SUGP1: variants seen among roughly 807,000 people sequenced by gnomAD.
SUGP1 encodes the protein SURP and G-patch domain containing 1, also known as SURP and G-patch domain-containing protein 1.
Under a neutral mutation model 76.5 loss-of-function variants are expected in SUGP1, and 34 were observed. The observed-to-expected ratio is 0.44, with a 90% CI of 0.34 to 0.59. The LOEUF is 0.59. SUGP1 is among the 20% of genes least tolerant of loss of function. SUGP1 has a pLI of 0.01. For synonymous variants in SUGP1, 326 were observed against 326.2 expected, an observed-to-expected ratio of 1.00 and a Z score of 0.01; for missense variants, 752 against 851.7, an observed-to-expected ratio of 0.88 and a Z score of 1.46.
At chr19:19,309,959 C>A in intron 3 of SUGP1, 138 bp downstream of exon 3, 1 of 548,740 alleles carries the variant, frequency 1.8e-6, no homozygotes, top group South Asian at 2.5e-5. Context: ...GCCTTTGGTG[C>A]ACGCATGGGT....
In SUGP1 at chr19:19,286,657, G is replaced by C. The variant is rs561711273; in HGVS notation, c.1244-6366C>G. Among the ~76,000 whole-genome samples, 9 of 152,070 alleles carry C rather than the reference G, an allele frequency of 5.9e-5. No individual in the cohort carries two copies. The East Asian group carries it at 1.7e-3, about 29-fold the overall frequency. The stretch of plus-strand genomic sequence containing the variant: ...CAACTGCTTGGGAGGCTGAGGCGGG[G>C]AGATCACTTGAGACCAGGAGTTTGA... On this transcript the variant is annotated intron_variant, in intron 8 of 13. Coordinates refer to ENST00000247001, the MANE Select transcript of SUGP1 (RefSeq NM_172231.4).
At chr19:19,309,231 T>C (rs2146623327) in intron 3 of SUGP1, among the ~76,000 whole-genome samples, 1 of 152,256 alleles carries the variant, frequency 6.6e-6, no homozygotes, top group Admixed American at 6.5e-5. Context: ...CTGCCTGTAA[T>C]GTCAACACTT....
In SUGP1 at chr19:19,316,370, G is replaced by T; in HGVS notation, c.206+52C>A. ...CTCACAAGCCAAACCCTGTGCTGGT[G>T]ACCCTCAAAGACTCACATCCAGGCC... On this transcript the variant is annotated intron_variant, in intron 2 of 13. Transcript: ENST00000247001. 4 of 1,602,684 alleles carry T rather than the reference G, an allele frequency of 2.5e-6. No individual in the cohort carries two copies. In the South Asian group the frequency reaches 3.3e-5, roughly 13 times the overall value.
chr19:19,280,262 T>C lies in SUGP1; in HGVS notation c.1273A>G (p.Lys425Glu). 6.2e-7 allele frequency: 1 copy of C among 1,613,924 alleles called. No homozygotes were observed. The change falls in exon 9 of 14, where the codon AAG (lysine) becomes GAG (glutamate). Residue 425 changes from lysine (K) to glutamate (E), a missense_variant. This residue lies in a region of SUGP1 where 620 missense variants were observed against 617.3 expected (regional missense o/e 1.00). Transcript: ENST00000247001. ...VQDLKGLGYEKGKPVGLVGVT... is the reference protein window; with the variant it reads ...VQDLKGLGYEEGKPVGLVGVT... Reference sequence around the variant, plus strand: ...CCCACTAGACCCACAGGCTTCCCCTTCTCATAGCCGAGCCCCTTGAGGTCC... The same window carrying C: ...CCCACTAGACCCACAGGCTTCCCCTCCTCATAGCCGAGCCCCTTGAGGTCC...
intron 8 of SUGP1, among the ~76,000 whole-genome samples, chr19:19,282,406 C>T (rs2061105424): frequency 6.6e-6 from 1 of 150,630 alleles, no homozygotes; most frequent in African/African-American, 2.4e-5. Flanking sequence ...TGAGACTAGC[C>T]TAGGCAACAT....
intron 2 of SUGP1, 81 bp from the exon 3 acceptor site, chr19:19,310,281 G>A: frequency 2.8e-6 from 3 of 1,073,070 alleles, no homozygotes; most frequent in Non-Finnish European, 4.3e-6. Context: ...TGAGGATGAG[G>A]CCATCACCTC....
At position 19,303,439 on chromosome 19, in the gene SUGP1, G is replaced by A. The variant is rs553195068; in HGVS notation, c.672C>T (p.His224=). ...YKDNPAFAFL[H]DKNSREFLYY... is the part of the protein sequence containing the mutation. The stretch of plus-strand genomic sequence containing the variant: ...AGAGGAATTCCCTGCTATTCTTATC[G>A]TGCAAAAATCTGGAGAGGAGGAAGT... Residue 224 remains histidine, a synonymous_variant, in exon 6 of 14, where the codon CAC becomes CAT. Coordinates refer to ENST00000247001, the MANE Select transcript of SUGP1 (RefSeq NM_172231.4). 4.3e-5 allele frequency: 70 copies of A among 1,613,868 alleles called. No individual in the cohort carries two copies. The highest frequency in any genetic ancestry group is 1.1e-4 in the East Asian group (5 of 44,880).
chr19:19,312,716 G>A (rs933723424), intron 2 of SUGP1, among the ~76,000 whole-genome samples: 3 of 152,126 alleles, frequency 2.0e-5, no homozygotes, highest in South Asian at 2.1e-4. Flanking sequence ...GGCCAGGCGC[G>A]GTGGCTCACG....
At position 19,297,003 on chromosome 19, in the gene SUGP1, G is replaced by C. The variant is rs1185040619; in HGVS notation, c.1229C>G (p.Pro410Arg). The C allele has an allele frequency of 6.3e-7, 1 of 1,582,332 alleles. No homozygotes were observed. The highest frequency in any genetic ancestry group is 1.7e-5 in the Admixed American group (1 of 58,302). Residue 410 changes from proline (P) to arginine (R), a missense_variant, in exon 8 of 14, where the codon CCC becomes CGC. Physicochemically the swap from Pro to Arg is moderately radical, Grantham distance 103 (BLOSUM62 -2). Transcript: ENST00000247001. ...ELVQRDVDAS[P>R]SPLSVQDLKG... The stretch of plus-strand genomic sequence containing the variant: ...GGTCTGCCCACCTGACAGAGGCGAG[G>C]GAGAGGCATCCACGTCCCTCTGCAC...
At chr19:19,318,441 T>G in intron 1 of SUGP1, among the ~76,000 whole-genome samples, 1 of 152,166 alleles carries the variant, frequency 6.6e-6, no homozygotes, top group East Asian at 1.9e-4. Flanking sequence ...TTTGTTTTGT[T>G]TTTTTGAGAC....
chr19:19,303,761 C>T lies in SUGP1; in HGVS notation c.625G>A (p.Val209Ile). 4 of 1,614,224 alleles carry T rather than the reference C, an allele frequency of 2.5e-6. No homozygotes were observed. The highest frequency in any genetic ancestry group is 2.2e-5 in the East Asian group (1 of 44,886). ...VAEGGPELEK[V>I]AMEDYKDNPA... ...TTATCCTTGTAGTCCTCCATAGCTACTTTTTCTAACTCGGGGCCTCCTTCT... is the reference window on the plus strand; with the variant it reads ...TTATCCTTGTAGTCCTCCATAGCTATTTTTTCTAACTCGGGGCCTCCTTCT... Residue 209 changes from valine to isoleucine, a missense_variant, in exon 5 of 14, where the codon GTA becomes ATA. By Grantham distance (29) the Val-to-Ile change is conservative. This residue lies in a region of SUGP1 where 620 missense variants were observed against 617.3 expected (regional missense o/e 1.00). Coordinates refer to ENST00000247001, the MANE Select transcript of SUGP1 (RefSeq NM_172231.4).
At chr19:19,279,597 G>C (rs757800883) in intron 9 of SUGP1, among the ~76,000 whole-genome samples, 14 of 152,096 alleles carry the variant, frequency 9.2e-5, no homozygotes, top group Non-Finnish European at 1.8e-4. Context: ...AGGACCTCTT[G>C]GCCACTGAAT....
At position 19,276,544 on chromosome 19, in the gene SUGP1, G is replaced by T; in HGVS notation, c.*104C>A. 7.1e-7 allele frequency: 1 copy of T among 1,413,622 alleles called. No individual in the cohort carries two copies. Among genetic ancestry groups the T allele is most frequent in the Non-Finnish European group, 9.9e-7 (1 of 1,007,528 alleles). 87.6% of individuals were successfully genotyped at this position (1,413,622 alleles called of 1,614,324 possible). A position where few individuals can be genotyped will look rare whatever the true frequency, so the allele number is the denominator to read the frequency against. ...ATGAGCACTGGGACTTTATTACACGGCACGGCACTCGTGACAACGGAAGGG... is the reference window on the plus strand; with the variant it reads ...ATGAGCACTGGGACTTTATTACACGTCACGGCACTCGTGACAACGGAAGGG... On this transcript the variant is annotated 3_prime_UTR_variant, in exon 14 of 14. Coordinates refer to ENST00000247001, the MANE Select transcript of SUGP1 (RefSeq NM_172231.4).
chr19:19,296,386 T>C (rs1480292874), intron 8 of SUGP1, among the ~76,000 whole-genome samples: 6 of 148,456 alleles, frequency 4.0e-5, no homozygotes, highest in Non-Finnish European at 8.9e-5. Flanking sequence ...TGAAACCCCA[T>C]CTCTACGTCC....
chr19:19,303,800 C>A lies in SUGP1; in HGVS notation c.586G>T (p.Ala196Ser). ...GGGCCTCCTTCTGCCACAAAGCGGG[C>A]CAATTTCTCTATCACTTTCCGAGTC... The part of the protein sequence containing the change: ...AETRKVIEKL[A>S]RFVAEGGPEL... The change falls in exon 5 of 14, where the codon GCC becomes TCC. Residue 196 changes from alanine to serine, a missense_variant. Ala to Ser is a moderately conservative substitution (Grantham distance 99). Coordinates refer to ENST00000247001, the MANE Select transcript of SUGP1 (RefSeq NM_172231.4). 6.2e-7 allele frequency: 1 copy of A among 1,614,198 alleles called. No individual in the cohort carries two copies. Among genetic ancestry groups the A allele is most frequent in the Non-Finnish European group, 8.5e-7 (1 of 1,180,056 alleles).
intron 10 of SUGP1, 28 bp downstream of exon 10, chr19:19,279,185 G>A: frequency 1.3e-5 from 16 of 1,244,262 alleles, no homozygotes; most frequent in Non-Finnish European, 1.4e-5. Context: ...GCCCAGCCCA[G>A]CCCGGCCCAC....
Position 19,297,109 on chromosome 19 carries a change from A to T in SUGP1, c.1123T>A (p.Ser375Thr), listed in dbSNP as rs775688929. Residue 375 changes from serine (S) to threonine (T), a missense_variant, in exon 8 of 14, where the codon TCC becomes ACC. By Grantham distance (58) the Ser-to-Thr change is moderately conservative (BLOSUM62 1). Around this residue, in one of 2 missense-constraint regions of SUGP1, gnomAD observed 620 missense variants for 617.3 expected, o/e 1.00. Transcript: ENST00000247001. Reference protein sequence around the residue: ...PAPAAPGKPASAATVKRKRKS... With the variant: ...PAPAAPGKPATAATVKRKRKS... Reference sequence around the variant, plus strand: ...CGCTTCCTCTTCACGGTGGCTGCGGAGGCTGGCTTCCCGGGGGCAGCTGGA... The same window carrying T: ...CGCTTCCTCTTCACGGTGGCTGCGGTGGCTGGCTTCCCGGGGGCAGCTGGA... 20 of 1,613,722 alleles carry T rather than the reference A, an allele frequency of 1.2e-5. No homozygotes were observed. Among genetic ancestry groups the T allele is most frequent in the Non-Finnish European group, 1.6e-5 (19 of 1,179,812 alleles).
chr19:19,297,158 C>T lies in SUGP1; in HGVS notation c.1074G>A (p.Thr358=), dbSNP rs375901315. Residue 358 remains threonine (T), a synonymous_variant, in exon 8 of 14, where the codon ACG becomes ACA. Transcript: ENST00000247001. Reference sequence around the variant, plus strand: ...GAGCAGGGATGATAGTGGGCGCAGGCGTGGACGAGGCGGGGCAGGTGGTGG... The same window carrying T: ...GAGCAGGGATGATAGTGGGCGCAGGTGTGGACGAGGCGGGGCAGGTGGTGG... ...PPATTCPASS[T]PAPTIIPAPA... 111 of 1,613,056 alleles carry T rather than the reference C, an allele frequency of 6.9e-5. No homozygotes were observed. The highest frequency in any genetic ancestry group is 1.6e-4 in the Middle Eastern group (1 of 6,084).
chr19:19,284,694 G>A (rs1230047575), intron 8 of SUGP1, among the ~76,000 whole-genome samples: 4 of 152,218 alleles, frequency 2.6e-5, no homozygotes, highest in Non-Finnish European at 5.9e-5. Flanking sequence ...AGGAGCGAAA[G>A]CTGGAGAATA....
Sources: allele counts gnomAD v4.1 joint callset (sites outside exome capture counted in the v4.1 genomes callset), GRCh38; gene constraint gnomAD v4.1.1; regional missense constraint gnomAD v4.1.1; transcripts MANE v1.5; gene names NCBI Gene and HGNC (gene_info 2026-07-23, HGNC 2026-07-21).